SV2C: variants seen among roughly 807,000 people sequenced by gnomAD.
SV2C encodes solute carrier family 22 member B3.
Under a neutral mutation model 79.7 loss-of-function variants are expected in SV2C, and 49 were observed. The ratio of observed to expected loss-of-function variants is 0.61; its 90% confidence interval spans 0.49 to 0.78. The LOEUF (loss-of-function observed/expected upper bound fraction) is 0.78, where lower values mean the gene tolerates loss of function less well. Among genes scored for constraint, SV2C ranks in the 30% least tolerant of loss-of-function variants. The pLI is 0.00. For synonymous variants in SV2C, 334 were observed against 333.2 expected (o/e 1.00, Z -0.03); for missense variants, 833 against 912.9 (o/e 0.91, Z 1.13).
At chr5:76,246,731 CATA>C (rs1318936049) in intron 4 of SV2C, among the ~76,000 whole-genome samples, 6 of 152,156 alleles carry the variant, frequency 3.9e-5, no homozygotes. Flanking sequence ...CAAAGCAAGA[CATA>C]GTGGTGCTGC....
upstream of SV2C, chr5:76,081,959 T>C (rs1292011207): frequency 6.6e-6 from 1 of 152,280 alleles, no homozygotes; most frequent in Non-Finnish European, 1.5e-5. Context: ...GTAACATTTA[T>C]ATTTCTATCC....
At chr5:75,915,908 C>A in the SV2C span, among the ~76,000 whole-genome samples, 21 of 152,070 alleles carry the variant, frequency 1.4e-4, 1 homozygote, top group Admixed American at 1.0e-3. Flanking sequence ...GAATATAATT[C>A]TTGGGGTAGG....
chr5:76,049,744 C>A, the SV2C span, among the ~76,000 whole-genome samples: 3 of 152,200 alleles, frequency 2.0e-5, no homozygotes, highest in Admixed American at 6.5e-5. Flanking sequence ...AAACACTTTC[C>A]CCAAAGCAGC....
intron 2 of SV2C, among the ~76,000 whole-genome samples, chr5:76,156,335 G>T (rs1206768165): frequency 1.3e-5 from 2 of 152,128 alleles, no homozygotes; most frequent in South Asian, 2.1e-4. Flanking sequence ...TTCATTCTAT[G>T]GGGGGAAGGA....
intron 12 of SV2C, among the ~76,000 whole-genome samples, chr5:76,307,866 A>C (rs1748257589): frequency 1.3e-5 from 2 of 151,404 alleles, no homozygotes; most frequent in South Asian, 4.2e-4. Flanking sequence ...TATTTCTTCT[A>C]CTTCTTTGCT....
intron 1 of SV2C, among the ~76,000 whole-genome samples, chr5:76,107,125 A>G (rs1469163862): frequency 1.3e-5 from 2 of 152,252 alleles, no homozygotes; most frequent in African/African-American, 2.4e-5. Context: ...AAATAATCCA[A>G]TGGCAAAATA....
At chr5:75,927,645 G>A in the SV2C span, among the ~76,000 whole-genome samples, 1 of 152,124 alleles carries the variant, frequency 6.6e-6, no homozygotes, top group Non-Finnish European at 1.5e-5. Context: ...ATCTCATGTT[G>A]TGTTCTTACC....
intron 12 of SV2C, among the ~76,000 whole-genome samples, chr5:76,344,030 G>A (rs1364062053): frequency 1.3e-5 from 2 of 151,828 alleles, no homozygotes; most frequent in Non-Finnish European, 2.9e-5. Context: ...AATAACAACC[G>A]CAACAACAAA....
chr5:75,871,404 GAAAATA>G, the SV2C span, among the ~76,000 whole-genome samples: 14 of 151,996 alleles, frequency 9.2e-5, no homozygotes, highest in Non-Finnish European at 1.5e-4. Flanking sequence ...ATAAATACTG[GAAAATA>G]AAAATAAAAA....
At chr5:76,053,045 A>G in the SV2C span, among the ~76,000 whole-genome samples, 2 of 149,872 alleles carry the variant, frequency 1.3e-5, no homozygotes, top group African/African-American at 4.9e-5. Flanking sequence ...TCCATACCAC[A>G]CTCCGTATTC....
intron 3 of SV2C, among the ~76,000 whole-genome samples, chr5:76,208,038 T>C (rs1344948784): frequency 6.6e-6 from 1 of 152,152 alleles, no homozygotes; most frequent in African/African-American, 2.4e-5. Flanking sequence ...CTGTGTGTGA[T>C]GGTGCTAAAT....
chr5:76,254,098 T>C (rs1427905045), intron 4 of SV2C, among the ~76,000 whole-genome samples: 4 of 151,738 alleles, frequency 2.6e-5, no homozygotes, highest in African/African-American at 4.8e-5. Context: ...CTGGGCAACA[T>C]AGGGAGAAAC....
At chr5:76,085,557 A>G (rs943260860) in intron 1 of SV2C, among the ~76,000 whole-genome samples, 3 of 152,094 alleles carry the variant, frequency 2.0e-5, no homozygotes, top group Admixed American at 1.3e-4. Context: ...GAAAGAAAGG[A>G]AGGGAGGGAG....
intron 4 of SV2C, among the ~76,000 whole-genome samples, chr5:76,275,486 C>CAAAA (rs113061927): frequency 5.9e-5 from 7 of 118,114 alleles, no homozygotes; most frequent in African/African-American, 2.0e-4. Context: ...AAGTCTGTCT[C>CAAAA]AAAAAAAAAA....
the SV2C span, among the ~76,000 whole-genome samples, chr5:75,909,864 A>G: frequency 2.0e-5 from 3 of 152,244 alleles, no homozygotes; most frequent in African/African-American, 7.2e-5. Context: ...CACAAAAATT[A>G]TACAATCACC....
the SV2C span, among the ~76,000 whole-genome samples, chr5:75,952,264 TTCCTTCCTTC>T: frequency 8.0e-6 from 1 of 125,048 alleles, no homozygotes; most frequent in Non-Finnish European, 1.8e-5. Flanking sequence ...CCTTCCTTCC[TTCCTTCCTTC>T]CTTCCTTCCT....
chr5:76,035,896 T>A, the SV2C span, among the ~76,000 whole-genome samples: 1 of 152,128 alleles, frequency 6.6e-6, no homozygotes, highest in African/African-American at 2.4e-5. Flanking sequence ...TCTTTGTAGG[T>A]CACTCAGGAC....
At chr5:76,287,442 C>T (rs1338607173) in intron 6 of SV2C, among the ~76,000 whole-genome samples, 1 of 152,166 alleles carries the variant, frequency 6.6e-6, no homozygotes, top group Non-Finnish European at 1.5e-5. Context: ...CACACACATA[C>T]ATAACACATA....
chr5:76,152,606 A>C (rs1381054713), intron 2 of SV2C, among the ~76,000 whole-genome samples: 1 of 152,212 alleles, frequency 6.6e-6, no homozygotes, highest in African/African-American at 2.4e-5. Context: ...GTCAAATAGC[A>C]ATTATAATGT....
Sources: gnomAD v4.1 joint callset for allele counts (sites outside exome capture counted in the v4.1 genomes callset) on GRCh38, gnomAD v4.1.1 for gene constraint, MANE v1.5 for transcripts, NCBI Gene and HGNC (gene_info 2026-07-23, HGNC 2026-07-21) for gene names.